The following RXRA variants were observed in gnomAD, a reference collection of about 807,000 sequenced individuals.
RXRA encodes retinoic acid receptor RXR-alpha.
A neutral mutation model predicts 44.5 loss-of-function variants in RXRA; 5 were observed. The observed-to-expected ratio is 0.11, with a 90% CI of 0.06 to 0.24. RXRA has a LOEUF of 0.24. Ranked by LOEUF, RXRA falls within the 10% of genes least tolerant of loss-of-function variation. The pLI is 1.00. For missense variants in RXRA, 412 were observed against 646.5 expected (o/e 0.64, Z 3.93); for synonymous variants, 291 against 271.4 (o/e 1.07, Z -0.71).
At chr9:134,414,672 C>G (rs1199606037) in intron 4 of RXRA, among the ~76,000 whole-genome samples, 1 of 152,252 alleles carries the variant, frequency 6.6e-6, no homozygotes, top group Non-Finnish European at 1.5e-5. Flanking sequence ...AGCTTCCCCA[C>G]TGGGAAGACA....
intron 1 of RXRA, among the ~76,000 whole-genome samples, chr9:134,344,436 G>A (rs1229862046): frequency 6.6e-6 from 1 of 152,222 alleles, no homozygotes; most frequent in Non-Finnish European, 1.5e-5. Flanking sequence ...CTGCAGGGTG[G>A]GGGAAACTGG....
rs1191918872 is a variant in RXRA, at chr9:134,426,949, T to G, written c.911-2159T>G. On this transcript the variant is annotated intron_variant, in intron 6 of 9. Transcript: ENST00000481739. The surrounding 1 kb of genome is among the most constrained non-coding windows in gnomAD (Gnocchi z 4.6). ...GGAGAGCATTTGCTCTCACTGGATG[T>G]CAGACCCAGTGCCTCTCAGCCTGGG... The G allele has an allele frequency of 1.0e-6, 1 of 985,108 alleles. No individual in the cohort carries two copies. Among genetic ancestry groups the G allele is most frequent in the African/African-American group, 1.8e-5 (1 of 57,142 alleles). The allele number at this position is 985,108 out of a possible 1,614,324, so 61.0% of individuals were successfully genotyped here.
intron 1 of RXRA, among the ~76,000 whole-genome samples, chr9:134,341,606 A>G (rs906977362): frequency 3.3e-5 from 5 of 152,088 alleles, no homozygotes; most frequent in African/African-American, 1.2e-4. Flanking sequence ...ACCTTGGAGG[A>G]GGCGTGGGCA....
intron 1 of RXRA, among the ~76,000 whole-genome samples, chr9:134,370,806 G>A (rs1357867666): frequency 6.6e-6 from 1 of 152,258 alleles, no homozygotes; most frequent in African/African-American, 2.4e-5. Context: ...AGGGTCTGGG[G>A]TTGGAGGTGG....
At chr9:134,425,859 C>T in intron 6 of RXRA, 2 of 985,154 alleles carry the variant, frequency 2.0e-6, no homozygotes, top group South Asian at 9.4e-5. Context: ...ATTTAACTCT[C>T]CAGACCACCA....
At chr9:134,369,363 G>T (rs952698917) in intron 1 of RXRA, among the ~76,000 whole-genome samples, 17 of 119,660 alleles carry the variant, frequency 1.4e-4, no homozygotes, top group Non-Finnish European at 2.6e-4. Flanking sequence ...GGGGTTGTGT[G>T]TGTGTGCGGG....
In RXRA at chr9:134,343,125, G is replaced by A. The variant is rs1830106960; in HGVS notation, c.28+16466G>A. Among the ~76,000 whole-genome samples the A allele has an allele frequency of 6.6e-6, 1 of 151,784 alleles. No homozygotes were observed. The highest frequency in any genetic ancestry group is 2.4e-5 in the African/African-American group (1 of 41,288). ...AGGGGGTTCCTGCCCTGGAGCCAGGGAAGCTGTCTGCGGCCCACAGTTCAG... is the reference window on the plus strand; with the variant it reads ...AGGGGGTTCCTGCCCTGGAGCCAGGAAAGCTGTCTGCGGCCCACAGTTCAG... On this transcript the variant is annotated intron_variant, in intron 1 of 9. Transcript: ENST00000481739. The surrounding 1 kb of genome is among the most constrained non-coding windows in gnomAD (Gnocchi z 4.1).
chr9:134,426,795 A>G lies in RXRA; in HGVS notation c.911-2313A>G, dbSNP rs1831441718. ...CCCGAGAGGCCAGGACTGGCCAGGGATGGTGGGTTTGGGGCCAGTTGTGCC... is the reference window on the plus strand; with the variant it reads ...CCCGAGAGGCCAGGACTGGCCAGGGGTGGTGGGTTTGGGGCCAGTTGTGCC... On this transcript the variant is annotated intron_variant, in intron 6 of 9. Coordinates refer to ENST00000481739, the MANE Select transcript of RXRA (RefSeq NM_002957.6). This position sits in a 1 kb window ranked among gnomAD's most constrained non-coding sequence, Gnocchi z 4.6. 5 of 985,196 alleles carry G rather than the reference A, an allele frequency of 5.1e-6. No homozygotes were observed. In the South Asian group the frequency reaches 2.3e-4, roughly 46 times the overall value. 61.0% of individuals were successfully genotyped at this position (985,196 alleles called of 1,614,324 possible). A position where few individuals can be genotyped will look rare whatever the true frequency, so the allele number is the denominator to read the frequency against.
chr9:134,384,507 G>A (rs978921507), intron 1 of RXRA, among the ~76,000 whole-genome samples: 1 of 152,216 alleles, frequency 6.6e-6, no homozygotes, highest in Non-Finnish European at 1.5e-5. Flanking sequence ...AGTGGGTTCT[G>A]CAGAGCATGG....
intron 1 of RXRA, among the ~76,000 whole-genome samples, chr9:134,356,900 G>A (rs892900557): frequency 6.6e-6 from 1 of 152,170 alleles, no homozygotes; most frequent in African/African-American, 2.4e-5. Context: ...AGTGTCTCCC[G>A]ACACCTCCGC....
intron 6 of RXRA, among the ~76,000 whole-genome samples, chr9:134,428,012 C>CTG (rs1831462674): frequency 6.6e-6 from 1 of 152,178 alleles, no homozygotes; most frequent in African/African-American, 2.4e-5. Flanking sequence ...GACTGTGTGA[C>CTG]TGCAGGTGAT....
chr9:134,365,729 AGTCTCGGTGG>A lies in RXRA; in HGVS notation c.29-35891_29-35882del, dbSNP rs1278014819. Reference sequence around the variant, plus strand: ...GATGTAGCCCTGAGGGGCCCGGCAGAGTCTCGGTGGGTCTCGGTGGGGCCAGCTGTCGGTG... The same window carrying A: ...GATGTAGCCCTGAGGGGCCCGGCAGAGTCTCGGTGGGGCCAGCTGTCGGTG... On this transcript the variant is annotated intron_variant, in intron 1 of 9. Transcript: ENST00000481739. This position sits in a 1 kb window ranked among gnomAD's most constrained non-coding sequence, Gnocchi z 4.0. Among the ~76,000 whole-genome samples, 2 of 146,628 alleles carry A rather than the reference AGTCTCGGTGG, an allele frequency of 1.4e-5. No individual in the cohort carries two copies. Among genetic ancestry groups the A allele is most frequent in the Non-Finnish European group, 3.0e-5 (2 of 66,810 alleles).
At chr9:134,392,238 T>C (rs2119124304) in intron 1 of RXRA, among the ~76,000 whole-genome samples, 1 of 152,320 alleles carries the variant, frequency 6.6e-6, no homozygotes, top group Non-Finnish European at 1.5e-5. Flanking sequence ...ACGGGGACTC[T>C]GCCAGGACTG....
chr9:134,346,263 T>G (rs1338306467), intron 1 of RXRA, among the ~76,000 whole-genome samples: 1 of 151,584 alleles, frequency 6.6e-6, no homozygotes, highest in East Asian at 2.0e-4. Flanking sequence ...CTGCCCTCCC[T>G]GCCCTCCCGC....
chr9:134,326,680 G>GCCCCGCT, intron 1 of RXRA, 21 bp downstream of exon 1: 1 of 893,558 alleles, frequency 1.1e-6, no homozygotes, highest in Non-Finnish European at 1.3e-6. Flanking sequence ...GCCGGGCCGG[G>GCCCCGCT]CGGGGACGGG....
intron 1 of RXRA, among the ~76,000 whole-genome samples, chr9:134,336,991 T>A (rs1337149084): frequency 6.6e-6 from 1 of 152,066 alleles, no homozygotes; most frequent in Non-Finnish European, 1.5e-5. Context: ...CCAGCTGGAA[T>A]CCCTGGGGGC....
chr9:134,428,321 A>G (rs1482413307), intron 6 of RXRA, among the ~76,000 whole-genome samples: 1 of 65,304 alleles, frequency 1.5e-5, no homozygotes, highest in Non-Finnish European at 2.9e-5. Context: ...ACTGTCCCCC[A>G]GGGAACCCCC....
intron 6 of RXRA, chr9:134,425,525 A>T: frequency 1.2e-6 from 1 of 844,620 alleles, no homozygotes; most frequent in African/African-American, 2.1e-5. Context: ...TTGCACAGGC[A>T]CCTCCTGCGT....
chr9:134,420,492 G>T (rs984816933), intron 5 of RXRA, among the ~76,000 whole-genome samples: 1 of 152,198 alleles, frequency 6.6e-6, no homozygotes, highest in Non-Finnish European at 1.5e-5. Flanking sequence ...GGGCTGCCCT[G>T]CCCTCTTCCG....
Sources: gnomAD v4.1 joint callset for allele counts (sites outside exome capture counted in the v4.1 genomes callset) on GRCh38, gnomAD v4.1.1 for gene constraint, Gnocchi (gnomAD v3.1) non-coding constraint, MANE v1.5 for transcripts, NCBI Gene and HGNC (gene_info 2026-07-23, HGNC 2026-07-21) for gene names.